The following BLTP3B variants were observed in gnomAD, a reference collection of about 807,000 sequenced individuals.
BLTP3B encodes the protein UHRF1 (ICBP90) binding protein 1-like.
the BLTP3B span, chr12:100,142,579 G>C: frequency 6.2e-7 from 1 of 1,607,798 alleles, no homozygotes; most frequent in Non-Finnish European, 8.5e-7. Flanking sequence ...CCGACACCGA[G>C]GCGCTCACTG....
the BLTP3B span, among the ~76,000 whole-genome samples, chr12:100,049,768 T>A: frequency 6.6e-6 from 1 of 152,352 alleles, no homozygotes; most frequent in African/African-American, 2.4e-5. Context: ...GTGAACTTGC[T>A]GAACAAGAGA....
chr12:100,065,981 C>CT, the BLTP3B span, among the ~76,000 whole-genome samples: 1 of 152,142 alleles, frequency 6.6e-6, no homozygotes, highest in African/African-American at 2.4e-5. Flanking sequence ...ATGTCACCCC[C>CT]TGGCGGCCCA....
chr12:100,064,934 T>A, the BLTP3B span, among the ~76,000 whole-genome samples: 1 of 147,830 alleles, frequency 6.8e-6, no homozygotes, highest in African/African-American at 2.5e-5. Flanking sequence ...ACGAATAGCA[T>A]GATGAATGGA....
At chr12:100,142,815 G>C in the BLTP3B span, 12 of 862,882 alleles carry the variant, frequency 1.4e-5, no homozygotes, top group South Asian at 1.9e-5. Flanking sequence ...GGAGCATCAC[G>C]CTCAGGCCGC....
At chr12:100,063,728 G>GA in the BLTP3B span, among the ~76,000 whole-genome samples, 1 of 146,882 alleles carries the variant, frequency 6.8e-6, no homozygotes. Flanking sequence ...AAAAGGAAAA[G>GA]AAAAAAAGGG....
chr12:100,125,534 A>G, the BLTP3B span, among the ~76,000 whole-genome samples: 2 of 152,102 alleles, frequency 1.3e-5, no homozygotes, highest in African/African-American at 4.8e-5. Flanking sequence ...TGTGGTCTCA[A>G]CTACTTGGGA....
the BLTP3B span, chr12:100,050,053 T>C: frequency 3.7e-6 from 4 of 1,067,982 alleles, no homozygotes; most frequent in Admixed American, 3.6e-5. Flanking sequence ...AATAAGTAAA[T>C]GTAATTTTCC....
At chr12:100,095,976 G>T in the BLTP3B span, 1 of 879,580 alleles carries the variant, frequency 1.1e-6, no homozygotes, top group Non-Finnish European at 1.6e-6. Flanking sequence ...TACTGGCCGG[G>T]CACGGTGGCT....
chr12:100,039,339 T>C, the BLTP3B span, among the ~76,000 whole-genome samples: 2 of 152,068 alleles, frequency 1.3e-5, no homozygotes, highest in South Asian at 2.1e-4. Context: ...CACTTGAATA[T>C]TAATTTTTTC....
the BLTP3B span, among the ~76,000 whole-genome samples, chr12:100,092,210 T>C: frequency 5.9e-5 from 9 of 152,202 alleles, no homozygotes; most frequent in Non-Finnish European, 1.2e-4. Context: ...TGCCTAGTTG[T>C]AAAGTTGAGC....
the BLTP3B span, chr12:100,089,068 G>C: frequency 1.2e-6 from 2 of 1,607,760 alleles, no homozygotes; most frequent in Non-Finnish European, 1.7e-6. Flanking sequence ...GTCTTCACTT[G>C]CTGGGCAGAT....
At chr12:100,083,101 G>A in the BLTP3B span, 1 of 1,613,766 alleles carries the variant, frequency 6.2e-7, no homozygotes, top group East Asian at 2.2e-5. Context: ...TACTGAAGGT[G>A]TTCTGCATGT....
chr12:100,095,612 T>G, the BLTP3B span: 1 of 1,561,408 alleles, frequency 6.4e-7, no homozygotes. Flanking sequence ...TCCTTCTAAT[T>G]TTTAAACTAT....
At chr12:100,118,409 CAAAACAAAAA>C in the BLTP3B span, among the ~76,000 whole-genome samples, 1 of 146,938 alleles carries the variant, frequency 6.8e-6, no homozygotes, top group African/African-American at 2.5e-5. Context: ...CAAAACAAAA[CAAAACAAAAA>C]ACTCTCAAGG....
chr12:100,047,910 A>G, the BLTP3B span: 2 of 1,409,940 alleles, frequency 1.4e-6, no homozygotes, highest in Middle Eastern at 2.6e-4. Context: ...AAGGAAAAGG[A>G]ACATGAAAAT....
the BLTP3B span, among the ~76,000 whole-genome samples, chr12:100,118,909 C>A: frequency 6.6e-6 from 1 of 152,118 alleles, no homozygotes; most frequent in Non-Finnish European, 1.5e-5. Flanking sequence ...AAAGACCAGC[C>A]TGGCCAACAT....
the BLTP3B span, chr12:100,072,650 TAA>T: frequency 2.0e-6 from 3 of 1,468,986 alleles, no homozygotes; most frequent in Non-Finnish European, 2.7e-6. Flanking sequence ...AATGGACAAA[TAA>T]TAATTAAAAA....
At chr12:100,052,558 G>A in the BLTP3B span, among the ~76,000 whole-genome samples, 1 of 152,006 alleles carries the variant, frequency 6.6e-6, no homozygotes, top group East Asian at 1.9e-4. Flanking sequence ...AGATGGAAAA[G>A]TTTATCACAG....
the BLTP3B span, chr12:100,084,414 AC>A: frequency 7.6e-7 from 1 of 1,315,714 alleles, no homozygotes; most frequent in East Asian, 2.3e-5. Flanking sequence ...ACACACACAC[AC>A]ACACACACAC....
Sources: gnomAD v4.1 joint callset for allele counts (sites outside exome capture counted in the v4.1 genomes callset) on GRCh38, gnomAD v4.1.1 for gene constraint, MANE v1.5 for transcripts, NCBI Gene and HGNC (gene_info 2026-07-23, HGNC 2026-07-21) for gene names.